The following MACROD2 variants were observed in gnomAD, a reference collection of about 807,000 sequenced individuals.
MACROD2 encodes mono-ADP ribosylhydrolase 2.
Under a neutral mutation model 70.4 loss-of-function variants are expected in MACROD2, and 36 were observed. That is an observed-to-expected ratio of 0.51 (90% CI 0.39 to 0.68). MACROD2 has a LOEUF of 0.68. MACROD2 is among the 30% of genes least tolerant of loss of function. The probability of loss-of-function intolerance (pLI) is 0.00; values close to 1 mark genes in which losing one functional copy is unlikely to be tolerated. For missense variants in MACROD2, 496 were observed against 538.4 expected (o/e 0.92, Z 0.78); for synonymous variants, 172 against 178.8 (o/e 0.96, Z 0.30).
chr20:14,768,442 G>T (rs2072120860), intron 5 of MACROD2, among the ~76,000 whole-genome samples: 1 of 152,094 alleles, frequency 6.6e-6, no homozygotes, highest in Non-Finnish European at 1.5e-5. Flanking sequence ...CAGTTGGACT[G>T]TGTGTAATCT....
chr20:14,112,031 T>C (rs2054457730), intron 3 of MACROD2, among the ~76,000 whole-genome samples: 1 of 151,892 alleles, frequency 6.6e-6, no homozygotes, highest in Non-Finnish European at 1.5e-5. Flanking sequence ...TGTTCAGCCA[T>C]AAAAAAGAAT....
chr20:14,155,284 C>T (rs2055085750), intron 3 of MACROD2, among the ~76,000 whole-genome samples: 1 of 151,912 alleles, frequency 6.6e-6, no homozygotes, highest in Non-Finnish European at 1.5e-5. Flanking sequence ...TCTGTAATAA[C>T]ATTCAAATTG....
chr20:15,477,365 C>T (rs1276166125), intron 7 of MACROD2, among the ~76,000 whole-genome samples: 7 of 152,224 alleles, frequency 4.6e-5, no homozygotes, highest in Non-Finnish European at 1.0e-4. Flanking sequence ...AGCTGTGAAC[C>T]TCCATGCCCA....
chr20:14,307,716 C>T (rs1048894793), intron 3 of MACROD2, among the ~76,000 whole-genome samples: 2 of 152,062 alleles, frequency 1.3e-5, no homozygotes, highest in African/African-American at 2.4e-5. Flanking sequence ...TACCAACGGT[C>T]TTTGAAATCT....
intron 6 of MACROD2, among the ~76,000 whole-genome samples, chr20:15,354,553 T>G (rs1200875530): frequency 6.6e-6 from 1 of 152,196 alleles, no homozygotes; most frequent in African/African-American, 2.4e-5. Flanking sequence ...ACTATTCTTT[T>G]GGAAAACAAT....
chr20:14,796,216 A>G (rs1415655039), intron 5 of MACROD2, among the ~76,000 whole-genome samples: 2 of 152,036 alleles, frequency 1.3e-5, no homozygotes, highest in African/African-American at 2.4e-5. Context: ...CTCCTCTCTG[A>G]TTGGAATCCA....
chr20:14,788,862 G>A lies in MACROD2; in HGVS notation c.418+103903G>A, dbSNP rs532801964. 4.2e-5 allele frequency among the ~76,000 whole-genome samples: 6 copies of A among 143,196 alleles called. No homozygotes were observed. In the Admixed American group the frequency reaches 4.5e-4, roughly 11 times the overall value. 93.9% of individuals were successfully genotyped at this position (143,196 alleles called of 152,430 possible). A position where few individuals can be genotyped will look rare whatever the true frequency, so the allele number is the denominator to read the frequency against. On this transcript the variant is annotated intron_variant, in intron 5 of 17. Transcript: ENST00000684519. ...CGGCTTACTGCAATCTCCGCTTCCT[G>A]GGTTGAAGCAATTCCCCTGCCTCAG... is the stretch of plus-strand genomic sequence containing the variant.
At chr20:14,955,286 TATATA>T (rs370506091) in intron 5 of MACROD2, among the ~76,000 whole-genome samples, 15,901 of 140,370 alleles carry the variant, frequency 0.11, 1,221 homozygotes, top group East Asian at 0.33. Flanking sequence ...ATATATAGTT[TATATA>T]ATATAATATA....
chr20:15,132,182 T>C (rs114236513), intron 5 of MACROD2, among the ~76,000 whole-genome samples: 1 of 152,044 alleles, frequency 6.6e-6, no homozygotes, highest in Non-Finnish European at 1.5e-5. Context: ...ATTGTATAAA[T>C]CTTTATGGTC....
At chr20:15,049,847 C>G (rs1468858323) in intron 5 of MACROD2, among the ~76,000 whole-genome samples, 1 of 151,304 alleles carries the variant, frequency 6.6e-6, no homozygotes, top group Admixed American at 6.6e-5. Context: ...GCTCGGGAGG[C>G]AGAGGCAGGA....
intron 8 of MACROD2, among the ~76,000 whole-genome samples, chr20:15,718,018 CTTTTTTTTT>C (rs11087142): frequency 1.4e-5 from 2 of 140,410 alleles, no homozygotes; most frequent in Admixed American, 1.4e-4. Context: ...TGTTTTCTCT[CTTTTTTTTT>C]TTTTTTGTTT....
intron 5 of MACROD2, among the ~76,000 whole-genome samples, chr20:14,769,735 A>G (rs2072140280): frequency 6.6e-6 from 1 of 152,136 alleles, no homozygotes; most frequent in Non-Finnish European, 1.5e-5. Context: ...ATTGAAACCT[A>G]TTGGAAACAC....
intron 3 of MACROD2, among the ~76,000 whole-genome samples, chr20:14,400,479 G>A (rs566562411): frequency 2.0e-5 from 3 of 152,074 alleles, no homozygotes; most frequent in Non-Finnish European, 4.4e-5. Context: ...AAAATACAAG[G>A]GGATACTGCC....
rs78248333 is a variant in MACROD2 at position 15,280,055 on chromosome 20, A to G, written c.540+49994A>G. 6.9e-3 allele frequency among the ~76,000 whole-genome samples: 1,047 copies of G among 152,372 alleles called. 10 individuals carry two copies. The highest frequency in any genetic ancestry group is 0.024 in the African/African-American group (996 of 41,588). On this transcript the variant is annotated intron_variant, in intron 6 of 17. Coordinates refer to ENST00000684519, the MANE Select transcript of MACROD2 (RefSeq NM_001351661.2). ...GGAGGAAAGTTTTCAAAGCCCAGAA[A>G]TCTGAATTATATTTGTAAAACTAAC...
chr20:15,826,666 C>G lies in MACROD2; in HGVS notation c.646-36079C>G, dbSNP rs549069858. On this transcript the variant is annotated intron_variant, in intron 8 of 17. Transcript: ENST00000684519. ...TTCTTTTATCAAACTACTTTTGTCA[C>G]AAAGGTGTTTAGTATAATGCGTTAT... is the stretch of plus-strand genomic sequence containing the variant. 7.9e-5 allele frequency among the ~76,000 whole-genome samples: 12 copies of G among 152,176 alleles called. No individual in the cohort carries two copies. In the South Asian group the frequency reaches 2.5e-3, roughly 32 times the overall value.
intron 3 of MACROD2, among the ~76,000 whole-genome samples, chr20:14,272,234 C>T (rs1294254494): frequency 6.6e-6 from 1 of 152,054 alleles, no homozygotes; most frequent in Non-Finnish European, 1.5e-5. Context: ...ATGTTAAAGG[C>T]AGCCAGAGAG....
chr20:14,163,791 A>G (rs2055225970), intron 3 of MACROD2, among the ~76,000 whole-genome samples: 1 of 151,204 alleles, frequency 6.6e-6, no homozygotes, highest in African/African-American at 2.4e-5. Flanking sequence ...TCAGCTCCAG[A>G]ATTTCTGTTT....
chr20:15,414,454 T>A (rs1600378120), intron 6 of MACROD2, among the ~76,000 whole-genome samples: 1 of 152,216 alleles, frequency 6.6e-6, no homozygotes, highest in East Asian at 1.9e-4. Context: ...TGGTCTAAGC[T>A]GTAGACGTGT....
intron 3 of MACROD2, among the ~76,000 whole-genome samples, chr20:14,093,978 G>GT (rs1185276692): frequency 4.8e-4 from 71 of 147,996 alleles, no homozygotes; most frequent in South Asian, 1.1e-3. Context: ...GAGGGCTGAG[G>GT]TTTTTTTTTT....
Sources: gnomAD v4.1 joint callset for allele counts (sites outside exome capture counted in the v4.1 genomes callset) on GRCh38, gnomAD v4.1.1 for gene constraint, MANE v1.5 for transcripts, NCBI Gene and HGNC (gene_info 2026-07-23, HGNC 2026-07-21) for gene names.